The following SHLD2 variants were observed in gnomAD, a reference collection of about 807,000 sequenced individuals.
SHLD2 encodes RINN1-REV7-interacting novel NHEJ regulator 2.
In SHLD2, 30 loss-of-function variants were observed where a neutral mutation model predicts 73.2. That is an observed-to-expected ratio of 0.41 (90% CI 0.31 to 0.56). The LOEUF is 0.56. Among genes scored for constraint, SHLD2 ranks in the 20% least tolerant of loss-of-function variants. The pLI, the probability that SHLD2 is intolerant of heterozygous loss-of-function variation, is 0.28. For synonymous variants in SHLD2, 285 were observed against 370.1 expected, an observed-to-expected ratio of 0.77 and a Z score of 2.64; for missense variants, 745 against 1,055.9, an observed-to-expected ratio of 0.71 and a Z score of 4.08.
At chr10:87,160,573 T>A (rs1229848845) in intron 4 of SHLD2, among the ~76,000 whole-genome samples, 1 of 152,084 alleles carries the variant, frequency 6.6e-6, no homozygotes, top group Admixed American at 6.5e-5. Flanking sequence ...CTAATGCCAA[T>A]GTCTTATTTA....
At chr10:87,117,172 C>T (rs1005695782) in intron 2 of SHLD2, among the ~76,000 whole-genome samples, 2 of 152,196 alleles carry the variant, frequency 1.3e-5, no homozygotes, top group African/African-American at 4.8e-5. Flanking sequence ...GTAATCCCAG[C>T]ACTTTGGGAG....
chr10:87,120,791 C>A (rs930768602), intron 2 of SHLD2, among the ~76,000 whole-genome samples: 1 of 152,032 alleles, frequency 6.6e-6, no homozygotes, highest in Non-Finnish European at 1.5e-5. Flanking sequence ...CGGTGGCTCA[C>A]GCCTGTAATC....
intron 2 of SHLD2, among the ~76,000 whole-genome samples, chr10:87,150,101 G>T (rs1359224620): frequency 1.8e-5 from 2 of 110,858 alleles, no homozygotes; most frequent in Non-Finnish European, 3.5e-5. Flanking sequence ...GTCTCGCTTT[G>T]TCGCCCAGGC....
At chr10:87,119,748 A>C (rs929155546) in intron 2 of SHLD2, among the ~76,000 whole-genome samples, 13 of 150,492 alleles carry the variant, frequency 8.6e-5, no homozygotes, top group Non-Finnish European at 1.9e-4. Flanking sequence ...ACTGCACTCC[A>C]GCCTGGGCAA....
intron 2 of SHLD2, among the ~76,000 whole-genome samples, chr10:87,129,062 C>T (rs958761127): frequency 1.3e-4 from 19 of 151,448 alleles, no homozygotes; most frequent in East Asian, 3.9e-4. Flanking sequence ...TGCATCACCA[C>T]GCCAAGCCAA....
intron 8 of SHLD2, among the ~76,000 whole-genome samples, chr10:87,186,094 A>C (rs1848603111): frequency 6.6e-6 from 1 of 152,158 alleles, no homozygotes; most frequent in South Asian, 2.1e-4. Flanking sequence ...CCCAGCACTT[A>C]CCACAGTCCA....
intron 4 of SHLD2, among the ~76,000 whole-genome samples, chr10:87,159,433 CCTGGAGCTTATGTTCTCAT>C (rs1162384351): frequency 6.6e-6 from 1 of 152,122 alleles, no homozygotes; most frequent in Non-Finnish European, 1.5e-5. Context: ...TGCCTGTCCT[CCTGGAGCTTATGTTCTCAT>C]GTGGAAGACA....
At chr10:87,110,224 G>C (rs1842835680) in intron 2 of SHLD2, among the ~76,000 whole-genome samples, 1 of 152,104 alleles carries the variant, frequency 6.6e-6, no homozygotes, top group Admixed American at 6.5e-5. Context: ...AGGAGGTTGA[G>C]GCTGCAGTGA....
chr10:87,190,720 A>T lies in SHLD2; in HGVS notation c.*37A>T. The T allele has an allele frequency of 6.6e-7, 1 of 1,508,090 alleles. No homozygotes were observed. 93.4% of individuals were successfully genotyped at this position (1,508,090 alleles called of 1,614,324 possible). A position where few individuals can be genotyped will look rare whatever the true frequency, so the allele number is the denominator to read the frequency against. On this transcript the variant is annotated 3_prime_UTR_variant, in exon 10 of 10. Coordinates refer to ENST00000298786, the MANE Select transcript of SHLD2 (RefSeq NM_001330112.2). ...GAAATTGCAGGCATTTCAAGGAAGAAGTACTGAAATGATTTGTCTTTTGAA... is the reference window on the plus strand; with the variant it reads ...GAAATTGCAGGCATTTCAAGGAAGATGTACTGAAATGATTTGTCTTTTGAA...
At chr10:87,150,815 C>A (rs7098729) in intron 2 of SHLD2, among the ~76,000 whole-genome samples, 22,527 of 151,502 alleles carry the variant, frequency 0.15, 1,878 homozygotes, top group Admixed American at 0.27. Context: ...GTGTGCTTAG[C>A]TTTATTCCCC....
chr10:87,112,033 C>T (rs955970336), intron 2 of SHLD2, among the ~76,000 whole-genome samples: 1 of 151,164 alleles, frequency 6.6e-6, no homozygotes, highest in Non-Finnish European at 1.5e-5. Flanking sequence ...GTCAGGAGAT[C>T]GAGACCATCC....
intron 2 of SHLD2, among the ~76,000 whole-genome samples, chr10:87,133,007 C>G (rs1378665484): frequency 6.6e-6 from 1 of 152,024 alleles, no homozygotes; most frequent in Admixed American, 6.6e-5. Context: ...TCCCTAAAAC[C>G]TTACATGCTG....
chr10:87,106,420 A>AG (rs34097912), intron 2 of SHLD2, among the ~76,000 whole-genome samples: 52,528 of 152,072 alleles, frequency 0.35, 9,529 homozygotes, highest in Middle Eastern at 0.44. Flanking sequence ...AATTTACAAA[A>AG]GGGGGGGAAC....
intron 6 of SHLD2, among the ~76,000 whole-genome samples, chr10:87,173,152 C>T (rs1340111606): frequency 6.6e-6 from 1 of 151,552 alleles, no homozygotes; most frequent in Non-Finnish European, 1.5e-5. Flanking sequence ...CTCAGCCTCC[C>T]AAGTAAGTGG....
chr10:87,099,699 G>A (rs1410160092), intron 2 of SHLD2, among the ~76,000 whole-genome samples: 3 of 152,138 alleles, frequency 2.0e-5, no homozygotes, highest in African/African-American at 7.2e-5. Context: ...TTAAATTTTT[G>A]AGGTACTGCC....
At chr10:87,126,914 T>C (rs1431097443) in intron 2 of SHLD2, among the ~76,000 whole-genome samples, 4 of 152,242 alleles carry the variant, frequency 2.6e-5, no homozygotes, top group African/African-American at 9.6e-5. Context: ...AGAAGGCAGG[T>C]ACTGTGTTAT....
At chr10:87,188,467 T>C (rs1040526516) in intron 9 of SHLD2, among the ~76,000 whole-genome samples, 4 of 152,144 alleles carry the variant, frequency 2.6e-5, no homozygotes, top group African/African-American at 9.7e-5. Flanking sequence ...GGAGGCCAGA[T>C]GGTGCTTTGT....
At chr10:87,137,830 A>G (rs1844904183) in intron 2 of SHLD2, among the ~76,000 whole-genome samples, 1 of 152,190 alleles carries the variant, frequency 6.6e-6, no homozygotes, top group Non-Finnish European at 1.5e-5. Context: ...CTTACAAGCA[A>G]CAGGAGAGCA....
intron 2 of SHLD2, among the ~76,000 whole-genome samples, chr10:87,120,690 A>T (rs913118249): frequency 1.6e-4 from 24 of 152,154 alleles, no homozygotes; most frequent in Admixed American, 5.9e-4. Flanking sequence ...TTAACATTTA[A>T]AAGCTGTATT....
Sources: gnomAD v4.1 joint callset for allele counts (sites outside exome capture counted in the v4.1 genomes callset) on GRCh38, gnomAD v4.1.1 for gene constraint, MANE v1.5 for transcripts, NCBI Gene and HGNC (gene_info 2026-07-23, HGNC 2026-07-21) for gene names.